The following SYNE1 variants were observed in gnomAD, a reference collection of about 807,000 sequenced individuals.
SYNE1 encodes spectrin repeat containing nuclear envelope protein 1.
A neutral mutation model predicts 1,111.0 loss-of-function variants in SYNE1; 616 were observed. The ratio of observed to expected loss-of-function variants is 0.55; its 90% CI spans 0.52 to 0.59. The LOEUF is 0.59. Ranked by LOEUF, SYNE1 falls within the 20% of genes least tolerant of loss-of-function variation. The pLI is 0.00. For synonymous variants in SYNE1, 3,855 were observed against 3,825.8 expected (o/e 1.01, Z -0.28); for missense variants, 10,006 against 10,417.0 (o/e 0.96, Z 1.72).
chr6:152,344,288 T>G, intron 73 of SYNE1, 61 bp from the exon 74 acceptor site: 2 of 1,608,432 alleles, frequency 1.2e-6, no homozygotes, highest in Admixed American at 3.3e-5. Flanking sequence ...TAAAGATCAT[T>G]CAAATTCAAT....
intron 16 of SYNE1, among the ~76,000 whole-genome samples, chr6:152,469,885 T>A (rs1320581796): frequency 6.6e-6 from 1 of 152,152 alleles, no homozygotes; most frequent in African/African-American, 2.4e-5. Context: ...TGTAGGGCCA[T>A]CACTGAGATG....
rs1195425573 is a variant in SYNE1 at position 152,453,720 on chromosome 6, C to T, written c.2893G>A (p.Glu965Lys). 6.2e-7 allele frequency: 1 copy of T among 1,614,140 alleles called. No individual in the cohort carries two copies. The highest frequency in any genetic ancestry group is 2.2e-5 in the East Asian group (1 of 44,876). Residue 965 changes from glutamate to lysine, a missense_variant and splice_region_variant, in exon 25 of 146, where the codon GAG becomes AAG. Glu to Lys is a moderately conservative substitution (Grantham distance 56). Coordinates refer to ENST00000367255, the MANE Select transcript of SYNE1 (RefSeq NM_182961.4). ...DPEELLRRHTEFFSQLDQRVL... is the reference protein window; with the variant it reads ...DPEELLRRHTKFFSQLDQRVL... ...CTCTGATCCAGCTGACTGAAAAACT[C>T]CTGACATGGAAGGGGAAAGTGGGTA...
At chr6:152,617,946 C>G (rs2099664060) in intron 3 of SYNE1, among the ~76,000 whole-genome samples, 1 of 152,070 alleles carries the variant, frequency 6.6e-6, no homozygotes, top group African/African-American at 2.4e-5. Context: ...TTTATAGAGG[C>G]TGAGTAGAAA....
At chr6:152,464,037 T>G (rs1291008877) in intron 18 of SYNE1, among the ~76,000 whole-genome samples, 2 of 152,214 alleles carry the variant, frequency 1.3e-5, no homozygotes, top group East Asian at 3.8e-4. Flanking sequence ...CTTTTTGACC[T>G]GCTACTTTTG....
At position 152,234,796 on chromosome 6, in the gene SYNE1, G is replaced by C; in HGVS notation, c.20401C>G (p.Gln6801Glu). The change falls in exon 111 of 146, where the codon CAA becomes GAA. Residue 6801 changes from glutamine to glutamate, a missense_variant. By Grantham distance (29) the Gln-to-Glu change is conservative. Around this residue, in one of 7 missense-constraint regions of SYNE1, gnomAD observed 2,182 missense variants for 2,287.8 expected, o/e 0.95. Transcript: ENST00000367255. ...ETILKHWTRY[Q>E]SESADLIHWL... ...TGAATTAGATCTGCAGATTCACTTT[G>C]ATATCTGTTAAGTATATTATGGAGT... is the stretch of plus-strand genomic sequence containing the variant. The C allele has an allele frequency of 6.2e-7, 1 of 1,614,068 alleles. No individual in the cohort carries two copies. The highest frequency in any genetic ancestry group is 8.5e-7 in the Non-Finnish European group (1 of 1,179,968).
Position 152,224,571 on chromosome 6 carries a change from C to G in SYNE1, c.21445G>C (p.Ala7149Pro). The G allele has an allele frequency of 6.2e-7, 1 of 1,613,986 alleles. No individual in the cohort carries two copies. Among genetic ancestry groups the G allele is most frequent in the Non-Finnish European group, 8.5e-7 (1 of 1,179,958 alleles). Residue 7149 changes from alanine to proline, a missense_variant, in exon 117 of 146, where the codon GCC becomes CCC. Ala to Pro is a conservative substitution (Grantham distance 27). This residue lies in a region of SYNE1 where 2,182 missense variants were observed against 2,287.8 expected (regional missense o/e 0.95). Coordinates refer to ENST00000367255, the MANE Select transcript of SYNE1 (RefSeq NM_182961.4). ...CGGAATCGGGAAAGAGAGTATCTGG[C>G]CTCCATGAGGTAACTGTTTATCTTG... Reference protein sequence around the residue: ...FDKINSYLMEARYSLSRFRLL... With the variant: ...FDKINSYLMEPRYSLSRFRLL...
chr6:152,594,786 C>A (rs1428736049), intron 3 of SYNE1, among the ~76,000 whole-genome samples: 3 of 152,182 alleles, frequency 2.0e-5, no homozygotes, highest in African/African-American at 7.2e-5. Context: ...TCTCCTGAGC[C>A]TAAGCCAATC....
intron 73 of SYNE1, among the ~76,000 whole-genome samples, chr6:152,345,320 G>C (rs944703234): frequency 2.0e-5 from 3 of 152,132 alleles, no homozygotes; most frequent in African/African-American, 7.2e-5. Context: ...ATGAGTGAAC[G>C]AATGAACTCA....
At chr6:152,136,484 A>G in intron 141 of SYNE1, 134 bp downstream of exon 141, 1 of 1,076,818 alleles carries the variant, frequency 9.3e-7, no homozygotes, top group Non-Finnish European at 1.4e-6. Flanking sequence ...GTTTGGGCAC[A>G]AGGTTATCTC....
At chr6:152,451,011 G>A in intron 26 of SYNE1, 36 bp downstream of exon 26, 1 of 1,613,618 alleles carries the variant, frequency 6.2e-7, no homozygotes, top group Non-Finnish European at 8.5e-7. Context: ...AATGTGACTT[G>A]ACACGGCTAT....
rs1461346404 is a variant in SYNE1 at position 152,233,737 on chromosome 6, T to C, written c.20712+44A>G. The C allele has an allele frequency of 3.7e-6, 6 of 1,611,622 alleles. No homozygotes were observed. In the Admixed American group the frequency reaches 6.7e-5, roughly 18 times the overall value. ...AATTAATGTATTTCTCCATGTCAAA[T>C]AGCTTAAGTCAGCTATTTCCCACGA... On this transcript the variant is annotated intron_variant, in intron 112 of 145. Transcript: ENST00000367255.
chr6:152,364,813 A>C, intron 63 of SYNE1, 34 bp downstream of exon 63: 1 of 1,613,970 alleles, frequency 6.2e-7, no homozygotes, highest in Non-Finnish European at 8.5e-7. Flanking sequence ...TTTTAGTAAT[A>C]GCTTCCCCAG....
At chr6:152,281,705 A>C (rs1271164580) in intron 97 of SYNE1, 102 bp downstream of exon 97, 3 of 1,276,724 alleles carry the variant, frequency 2.3e-6, no homozygotes, top group Non-Finnish European at 1.1e-6. Flanking sequence ...TGGGTTGGGA[A>C]AAATCATATA....
At chr6:152,557,146 A>G (rs1227027941) in intron 3 of SYNE1, among the ~76,000 whole-genome samples, 1 of 152,176 alleles carries the variant, frequency 6.6e-6, no homozygotes, top group Non-Finnish European at 1.5e-5. Context: ...TCTGGAGCTG[A>G]CGAACACAAT....
intron 4 of SYNE1, among the ~76,000 whole-genome samples, chr6:152,526,676 G>C: frequency 6.6e-6 from 1 of 152,190 alleles, no homozygotes; most frequent in Non-Finnish European, 1.5e-5. Flanking sequence ...TGCTAGAGGA[G>C]CACTGTCAGC....
At chr6:152,232,534 G>T (rs923563885) in intron 112 of SYNE1, among the ~76,000 whole-genome samples, 10 of 152,126 alleles carry the variant, frequency 6.6e-5, no homozygotes, top group Non-Finnish European at 1.2e-4. Context: ...AGAAAGAAGA[G>T]AATATTATTC....
intron 127 of SYNE1, among the ~76,000 whole-genome samples, chr6:152,198,697 G>A (rs2074705872): frequency 6.6e-6 from 1 of 152,154 alleles, no homozygotes; most frequent in South Asian, 2.1e-4. Flanking sequence ...CAGAGGAGAA[G>A]GAGAGAGATT....
intron 4 of SYNE1, among the ~76,000 whole-genome samples, chr6:152,532,456 G>T (rs1564681423): frequency 6.6e-6 from 1 of 152,150 alleles, no homozygotes; most frequent in Non-Finnish European, 1.5e-5. Context: ...TAATATTTGT[G>T]ATTGCTAGGT....
intron 3 of SYNE1, among the ~76,000 whole-genome samples, chr6:152,555,190 T>C (rs1219433633): frequency 6.6e-6 from 1 of 152,230 alleles, no homozygotes; most frequent in East Asian, 1.9e-4. Context: ...CATAGATATG[T>C]TGTGTCTTTG....
Sources: allele counts gnomAD v4.1 joint callset (sites outside exome capture counted in the v4.1 genomes callset), GRCh38; gene constraint gnomAD v4.1.1; regional missense constraint gnomAD v4.1.1; transcripts MANE v1.5; gene names NCBI Gene and HGNC (gene_info 2026-07-23, HGNC 2026-07-21).